PLPPR1: variants seen among roughly 807,000 people sequenced by gnomAD.
The protein encoded by PLPPR1 is phospholipid phosphatase-related protein type 1.
Under a neutral mutation model 33.1 loss-of-function variants are expected in PLPPR1, and 10 were observed. The observed-to-expected ratio is 0.30, with a 90% CI of 0.19 to 0.51. The LOEUF is 0.51. Among genes scored for constraint, PLPPR1 ranks in the 20% least tolerant of loss-of-function variants. The pLI is 0.97. For synonymous variants in PLPPR1, 151 were observed against 151.0 expected (o/e 1.00, Z 0.00); for missense variants, 304 against 408.1 (o/e 0.74, Z 2.20).
intron 1 of PLPPR1, among the ~76,000 whole-genome samples, chr9:101,163,346 G>A (rs1482278962): frequency 6.6e-6 from 1 of 152,136 alleles, no homozygotes; most frequent in African/African-American, 2.4e-5. Flanking sequence ...CTTGGCATGT[G>A]CTAAACAGTA....
At chr9:101,316,747 T>C (rs1417628197) in intron 6 of PLPPR1, among the ~76,000 whole-genome samples, 1 of 152,060 alleles carries the variant, frequency 6.6e-6, no homozygotes, top group African/African-American at 2.4e-5. Flanking sequence ...TCAAGAGTTA[T>C]CTAATCTCAA....
chr9:101,144,349 A>T (rs889666397), intron 1 of PLPPR1, among the ~76,000 whole-genome samples: 1 of 152,210 alleles, frequency 6.6e-6, no homozygotes, highest in African/African-American at 2.4e-5. Context: ...CCAACATGGC[A>T]CATGTATACA....
chr9:101,065,982 A>T (rs1830408284), intron 1 of PLPPR1, among the ~76,000 whole-genome samples: 1 of 152,022 alleles, frequency 6.6e-6, no homozygotes, highest in South Asian at 2.1e-4. Context: ...ATTAACTAAA[A>T]TCCACACTTA....
chr9:101,274,319 TTC>T (rs1432386419), intron 3 of PLPPR1, among the ~76,000 whole-genome samples: 1 of 152,308 alleles, frequency 6.6e-6, no homozygotes, highest in African/African-American at 2.4e-5. Flanking sequence ...GTGGTCCAAT[TTC>T]TTTCATTTTG....
intron 1 of PLPPR1, among the ~76,000 whole-genome samples, chr9:101,142,970 T>C (rs1028456256): frequency 6.6e-6 from 1 of 152,094 alleles, no homozygotes; most frequent in Non-Finnish European, 1.5e-5. Flanking sequence ...GTTCATAAAT[T>C]TATTGTGCAA....
At chr9:101,077,721 C>A (rs763469877) in intron 1 of PLPPR1, among the ~76,000 whole-genome samples, 2 of 152,010 alleles carry the variant, frequency 1.3e-5, no homozygotes, top group Non-Finnish European at 2.9e-5. Context: ...TCAGAGTCAT[C>A]CCAAATTGAG....
intron 1 of PLPPR1, among the ~76,000 whole-genome samples, chr9:101,113,544 C>T (rs982214384): frequency 1.3e-5 from 2 of 151,768 alleles, no homozygotes; most frequent in Non-Finnish European, 2.9e-5. Context: ...AATTACATTC[C>T]TAATAGGAAT....
At chr9:101,084,153 C>A (rs1830651216) in intron 1 of PLPPR1, among the ~76,000 whole-genome samples, 1 of 152,156 alleles carries the variant, frequency 6.6e-6, no homozygotes, top group Non-Finnish European at 1.5e-5. Flanking sequence ...TGGAAATGAT[C>A]AGGTGGTCCT....
chr9:101,311,368 C>G (rs936655337), intron 5 of PLPPR1, among the ~76,000 whole-genome samples: 4 of 152,174 alleles, frequency 2.6e-5, no homozygotes, highest in Admixed American at 2.0e-4. Context: ...ATCTTCTGAG[C>G]CGCTATTACA....
chr9:101,058,488 C>T (rs368327696), intron 1 of PLPPR1, among the ~76,000 whole-genome samples: 1 of 151,986 alleles, frequency 6.6e-6, no homozygotes, highest in Admixed American at 6.6e-5. Flanking sequence ...CTCAACCATC[C>T]CAGACTAAAG....
At chr9:101,215,874 T>C (rs1826784138) in intron 2 of PLPPR1, among the ~76,000 whole-genome samples, 1 of 152,212 alleles carries the variant, frequency 6.6e-6, no homozygotes, top group Non-Finnish European at 1.5e-5. Context: ...CCACATTTCC[T>C]TTATCCATTC....
intron 1 of PLPPR1, among the ~76,000 whole-genome samples, chr9:101,085,339 G>A (rs1830663584): frequency 6.6e-6 from 1 of 152,100 alleles, no homozygotes; most frequent in Non-Finnish European, 1.5e-5. Flanking sequence ...CTTTTCTTTG[G>A]CTAAAGCTAG....
intron 1 of PLPPR1, among the ~76,000 whole-genome samples, chr9:101,091,356 G>A (rs4742803): frequency 0.68 from 103,167 of 151,992 alleles, 35,336 homozygotes; most frequent in East Asian, 0.89. Context: ...CTGGAGGTCA[G>A]TAGTTCACAA....
At chr9:101,132,386 C>T (rs958172911) in intron 1 of PLPPR1, among the ~76,000 whole-genome samples, 2 of 152,078 alleles carry the variant, frequency 1.3e-5, no homozygotes, top group Admixed American at 1.3e-4. Flanking sequence ...GTGCATATTA[C>T]TAAGTGAAAG....
intron 2 of PLPPR1, among the ~76,000 whole-genome samples, chr9:101,191,784 T>A (rs183628343): frequency 2.0e-5 from 3 of 152,316 alleles, no homozygotes; most frequent in East Asian, 3.9e-4. Context: ...GCCAAGTCTC[T>A]TTTATATATA....
chr9:101,144,283 G>T (rs948199245), intron 1 of PLPPR1, among the ~76,000 whole-genome samples: 4 of 152,068 alleles, frequency 2.6e-5, no homozygotes, highest in African/African-American at 9.7e-5. Flanking sequence ...GGAGCGGGGA[G>T]GGATAGCATT....
At chr9:101,265,277 G>T (rs1257187213) in intron 2 of PLPPR1, among the ~76,000 whole-genome samples, 1 of 152,188 alleles carries the variant, frequency 6.6e-6, no homozygotes, top group African/African-American at 2.4e-5. Flanking sequence ...TGCTATATTG[G>T]ATTGTCATTC....
At chr9:101,068,057 A>G (rs1830440097) in intron 1 of PLPPR1, among the ~76,000 whole-genome samples, 1 of 152,122 alleles carries the variant, frequency 6.6e-6, no homozygotes, top group Non-Finnish European at 1.5e-5. Flanking sequence ...AGCCCACAAA[A>G]GCCTATTCAG....
chr9:101,230,598 T>C (rs979047782), intron 2 of PLPPR1, among the ~76,000 whole-genome samples: 2 of 152,074 alleles, frequency 1.3e-5, no homozygotes, highest in Non-Finnish European at 1.5e-5. Context: ...TATGACTGAG[T>C]AGGCACATCT....
Sources: allele counts gnomAD v4.1 joint callset (sites outside exome capture counted in the v4.1 genomes callset), GRCh38; gene constraint gnomAD v4.1.1; transcripts MANE v1.5; gene names NCBI Gene and HGNC (gene_info 2026-07-23, HGNC 2026-07-21).